RNF111: variants seen among roughly 807,000 people sequenced by gnomAD.
RNF111 encodes E3 ubiquitin-protein ligase Arkadia.
RNF111 carries 17 observed loss-of-function variants against 95.1 expected under a neutral mutation model. The observed-to-expected ratio is 0.18, with a 90% confidence interval of 0.12 to 0.27. The LOEUF (loss-of-function observed/expected upper bound fraction) is 0.27. RNF111 is among the 10% of genes least tolerant of loss of function. RNF111 has a pLI of 1.00. For synonymous variants in RNF111, 440 were observed against 414.8 expected (o/e 1.06, Z -0.74); for missense variants, 1,189 against 1,210.4 (o/e 0.98, Z 0.26).
chr15:59,018,990 C>T (rs2040201720), intron 1 of RNF111, among the ~76,000 whole-genome samples: 2 of 152,032 alleles, frequency 1.3e-5, no homozygotes, highest in African/African-American at 4.8e-5. Context: ...GTGGTAAGAC[C>T]TCAGCTCACT....
intron 13 of RNF111, chr15:59,093,337 C>CTTTTCT: frequency 3.7e-6 from 1 of 272,050 alleles, no homozygotes; most frequent in South Asian, 2.6e-5. Flanking sequence ...TTTACAGCAT[C>CTTTTCT]TTTTTTTTTT....
At chr15:59,054,042 C>T (rs546337577) in intron 3 of RNF111, among the ~76,000 whole-genome samples, 1 of 152,230 alleles carries the variant, frequency 6.6e-6, no homozygotes, top group African/African-American at 2.4e-5. Context: ...TTCAAGCAAT[C>T]CTCCTCCCTC....
rs769393050 is a variant in RNF111 at position 59,076,055 on chromosome 15, C to T, written c.1788C>T (p.Ser596=). ...SAFDPCCPVS[S]SRAAIFGHQA... ...TTGACCCCTGCTGCCCTGTTTCTTC[C>T]TCCCGAGCTGCAATCTTTGGCCATC... Residue 596 remains serine, a synonymous_variant, in exon 7 of 14, where the codon TCC becomes TCT. Coordinates refer to ENST00000348370, the MANE Select transcript of RNF111 (RefSeq NM_017610.8). 1.9e-6 allele frequency: 3 copies of T among 1,614,204 alleles called. No homozygotes were observed. The highest frequency in any genetic ancestry group is 2.5e-6 in the Non-Finnish European group (3 of 1,180,044).
chr15:59,063,150 A>G (rs1388341808), intron 5 of RNF111, among the ~76,000 whole-genome samples: 3 of 152,162 alleles, frequency 2.0e-5, no homozygotes, highest in Non-Finnish European at 2.9e-5. Flanking sequence ...ACATGATTGC[A>G]TGCTGCTTTT....
intron 2 of RNF111, among the ~76,000 whole-genome samples, chr15:59,042,250 C>G (rs1404497132): frequency 6.6e-6 from 1 of 152,090 alleles, no homozygotes; most frequent in Non-Finnish European, 1.5e-5. Context: ...CCTCAGCCTC[C>G]TGAGTAGCTG....
At chr15:59,088,730 CA>C (rs1470240741) in intron 10 of RNF111, among the ~76,000 whole-genome samples, 1 of 152,158 alleles carries the variant, frequency 6.6e-6, no homozygotes, top group Non-Finnish European at 1.5e-5. Context: ...CACAACTAAT[CA>C]GTGTATAACC....
At chr15:58,993,925 A>C (rs1399418676) in intron 1 of RNF111, among the ~76,000 whole-genome samples, 2 of 152,198 alleles carry the variant, frequency 1.3e-5, no homozygotes, top group Non-Finnish European at 2.9e-5. Flanking sequence ...CTAGGTGTCA[A>C]GTCTGAATCA....
chr15:59,072,515 G>A (rs12917373), intron 6 of RNF111, among the ~76,000 whole-genome samples: 37,028 of 144,620 alleles, frequency 0.26, 4,838 homozygotes, highest in East Asian at 0.42. Context: ...GTGCAGTGGC[G>A]TGATCTCGGC....
chr15:58,989,516 A>G (rs549302557), intron 1 of RNF111, among the ~76,000 whole-genome samples: 59 of 152,204 alleles, frequency 3.9e-4, no homozygotes, highest in Non-Finnish European at 7.6e-4. Flanking sequence ...CGGGTGCTAT[A>G]TCATGTGCAG....
At chr15:59,046,289 G>A (rs1476300021) in intron 2 of RNF111, among the ~76,000 whole-genome samples, 2 of 151,852 alleles carry the variant, frequency 1.3e-5, no homozygotes, top group African/African-American at 2.4e-5. Flanking sequence ...AGCCTCCAGG[G>A]CTAAGGTGAT....
At chr15:58,998,244 GT>G (rs78720477) in intron 1 of RNF111, among the ~76,000 whole-genome samples, 449 of 142,030 alleles carry the variant, frequency 3.2e-3, no homozygotes, top group African/African-American at 6.3e-3. Flanking sequence ...AAAATGGGAA[GT>G]TTTTTTTTTT....
At chr15:59,079,666 T>G (rs2078677988) in intron 7 of RNF111, among the ~76,000 whole-genome samples, 1 of 152,132 alleles carries the variant, frequency 6.6e-6, no homozygotes, top group South Asian at 2.1e-4. Context: ...TTTTTTTTTT[T>G]TTTTACATGT....
At chr15:59,079,033 C>CT (rs1422751944) in intron 7 of RNF111, among the ~76,000 whole-genome samples, 2 of 152,086 alleles carry the variant, frequency 1.3e-5, no homozygotes, top group South Asian at 2.1e-4. Context: ...ATATCAAGAA[C>CT]TTTTTTTAAC....
intron 6 of RNF111, among the ~76,000 whole-genome samples, chr15:59,070,877 C>G (rs1421010414): frequency 1.3e-5 from 2 of 152,158 alleles, no homozygotes; most frequent in African/African-American, 2.4e-5. Context: ...ATCTCCAGCC[C>G]CTCAGCTTCC....
rs2042031672 is a variant in RNF111 at position 59,052,519 on chromosome 15, T to A, written c.1007+88T>A. 6 of 1,060,550 alleles carry A rather than the reference T, an allele frequency of 5.7e-6. No individual in the cohort carries two copies. In the South Asian group the frequency reaches 1.4e-4, roughly 25 times the overall value. 65.7% of individuals were successfully genotyped at this position (1,060,550 alleles called of 1,614,324 possible). On this transcript the variant is annotated intron_variant, in intron 3 of 13. Transcript: ENST00000348370. ...GCTGCAGATATTTGCATTCTTTTTA[T>A]TTATTTATTTTTGAGACCCAGTTTG...
chr15:59,068,288 C>T (rs1393216070), intron 6 of RNF111, among the ~76,000 whole-genome samples: 2 of 152,100 alleles, frequency 1.3e-5, no homozygotes, highest in African/African-American at 4.8e-5. Flanking sequence ...TTGACATATA[C>T]TATTCCAGAA....
intron 1 of RNF111, among the ~76,000 whole-genome samples, chr15:59,026,456 AAC>A (rs1259383993): frequency 2.0e-5 from 3 of 152,210 alleles, no homozygotes; most frequent in Non-Finnish European, 4.4e-5. Flanking sequence ...TCAGTATTGA[AAC>A]AGTGTGTAAC....
chr15:59,011,187 A>G (rs2039786808), intron 1 of RNF111, among the ~76,000 whole-genome samples: 2 of 152,142 alleles, frequency 1.3e-5, no homozygotes, highest in African/African-American at 4.8e-5. Flanking sequence ...TGTTCTTCGA[A>G]TTTCACTGTC....
intron 1 of RNF111, among the ~76,000 whole-genome samples, chr15:59,021,590 AC>A (rs1373642431): frequency 6.6e-6 from 1 of 152,088 alleles, no homozygotes; most frequent in Non-Finnish European, 1.5e-5. Context: ...TTTGTTAGGT[AC>A]TCTCATTTAA....
Sources: allele counts gnomAD v4.1 joint callset (sites outside exome capture counted in the v4.1 genomes callset), GRCh38; gene constraint gnomAD v4.1.1; transcripts MANE v1.5; gene names NCBI Gene and HGNC (gene_info 2026-07-23, HGNC 2026-07-21).